Variants in ASTN2 observed in about 807,000 individuals in gnomAD.
ASTN2 encodes the protein astrotactin-2.
A neutral mutation model predicts 139.8 loss-of-function variants in ASTN2; 54 were observed. That is an observed-to-expected ratio of 0.39 (90% CI 0.31 to 0.48). The LOEUF is 0.48. Ranked by LOEUF, ASTN2 falls within the 20% of genes least tolerant of loss-of-function variation. The probability of loss-of-function intolerance (pLI) is 0.95; values close to 1 mark genes in which losing one functional copy is unlikely to be tolerated. For missense variants in ASTN2, 1,565 were observed against 1,725.1 expected, an observed-to-expected ratio of 0.91 and a Z score of 1.64; for synonymous variants, 756 against 719.5, an observed-to-expected ratio of 1.05 and a Z score of -0.81.
intron 6 of ASTN2, among the ~76,000 whole-genome samples, chr9:117,031,444 C>T (rs924275614): frequency 6.6e-6 from 1 of 152,044 alleles, no homozygotes; most frequent in Non-Finnish European, 1.5e-5. Flanking sequence ...CAAAAAAATT[C>T]AGTGAAAGCC....
At chr9:116,664,249 GT>G (rs760719813) in intron 16 of ASTN2, among the ~76,000 whole-genome samples, 5 of 150,272 alleles carry the variant, frequency 3.3e-5, no homozygotes, top group South Asian at 2.1e-4. Context: ...AAGGTTTTTT[GT>G]TTTTTTTTAA....
intron 19 of ASTN2, chr9:116,557,465 GTATT>G (rs1404566159): frequency 6.6e-6 from 1 of 152,018 alleles, no homozygotes; most frequent in Non-Finnish European, 1.5e-5. Flanking sequence ...TTAAATGAAA[GTATT>G]TATAGCACAC....
rs746533765 is a variant in ASTN2 at position 117,039,097 on chromosome 9, T to C, written c.1423+722A>G. On this transcript the variant is annotated intron_variant, in intron 6 of 22. Transcript: ENST00000313400. The stretch of plus-strand genomic sequence containing the variant: ...TGAAATGGATCCACAGTCATAAATG[T>C]CAGTAGGTTCTCTGAAGTAGCTCAA... 3.3e-5 allele frequency among the ~76,000 whole-genome samples: 5 copies of C among 152,222 alleles called. 1 individual carries two copies. The highest frequency in any genetic ancestry group is 5.9e-5 in the Non-Finnish European group (4 of 68,034).
intron 10 of ASTN2, among the ~76,000 whole-genome samples, chr9:116,907,753 C>A (rs879733067): frequency 1.3e-5 from 2 of 151,916 alleles, no homozygotes; most frequent in Non-Finnish European, 2.9e-5. Context: ...GAAGGATGGG[C>A]GGAAATGGGA....
chr9:117,089,113 A>C (rs1371947715), intron 5 of ASTN2, among the ~76,000 whole-genome samples: 1 of 152,176 alleles, frequency 6.6e-6, no homozygotes, highest in Non-Finnish European at 1.5e-5. Flanking sequence ...CAGCATGGTT[A>C]TTAGGGTTGC....
At chr9:117,374,315 AT>A (rs1474565768) in intron 1 of ASTN2, among the ~76,000 whole-genome samples, 1 of 151,064 alleles carries the variant, frequency 6.6e-6, no homozygotes. Flanking sequence ...GGATTAACAA[AT>A]TGGACACAAC....
At chr9:116,581,441 T>C (rs947496221) in intron 19 of ASTN2, among the ~76,000 whole-genome samples, 2 of 152,186 alleles carry the variant, frequency 1.3e-5, no homozygotes, top group Non-Finnish European at 2.9e-5. Flanking sequence ...TGCTCCTGCA[T>C]TGTCCTCAGT....
intron 5 of ASTN2, among the ~76,000 whole-genome samples, chr9:117,076,347 C>T (rs1007715653): frequency 6.6e-6 from 1 of 151,194 alleles, no homozygotes; most frequent in Non-Finnish European, 1.5e-5. Flanking sequence ...ATGCCTGGCA[C>T]ACTGTAGGTC....
chr9:117,072,445 C>T (rs76438024), intron 5 of ASTN2, among the ~76,000 whole-genome samples: 15,470 of 152,154 alleles, frequency 0.1, 1,018 homozygotes, highest in East Asian at 0.19. Flanking sequence ...GTTTTGGATG[C>T]GAACATCTTG....
chr9:116,615,760 G>A (rs1450166727), intron 19 of ASTN2, among the ~76,000 whole-genome samples: 1 of 151,518 alleles, frequency 6.6e-6, no homozygotes. Context: ...AGCATTAGGA[G>A]ATATACCTAA....
intron 19 of ASTN2, among the ~76,000 whole-genome samples, chr9:116,492,318 G>T (rs1249422760): frequency 6.6e-6 from 1 of 152,166 alleles, no homozygotes; most frequent in South Asian, 2.1e-4. Flanking sequence ...CTGACCTCAG[G>T]TGATCTGCCT....
At chr9:117,352,928 G>C (rs1322691765) in intron 1 of ASTN2, among the ~76,000 whole-genome samples, 2 of 152,142 alleles carry the variant, frequency 1.3e-5, no homozygotes, top group Non-Finnish European at 2.9e-5. Context: ...GATGGAGTAA[G>C]TGACTTCACT....
intron 13 of ASTN2, among the ~76,000 whole-genome samples, chr9:116,783,050 A>C (rs1032257905): frequency 6.6e-6 from 1 of 152,178 alleles, no homozygotes; most frequent in Non-Finnish European, 1.5e-5. Context: ...AGGACTTTGG[A>C]CAACAGTCAA....
intron 19 of ASTN2, among the ~76,000 whole-genome samples, chr9:116,607,931 A>C (rs990885071): frequency 6.6e-6 from 1 of 152,238 alleles, no homozygotes; most frequent in Non-Finnish European, 1.5e-5. Context: ...ACTGCATGCC[A>C]GCCTGGGCGA....
At chr9:117,184,062 C>G (rs149750210) in intron 3 of ASTN2, among the ~76,000 whole-genome samples, 1 of 152,282 alleles carries the variant, frequency 6.6e-6, no homozygotes, top group Admixed American at 6.5e-5. Flanking sequence ...TCTGAGATAG[C>G]TACAGGTTAA....
chr9:116,945,530 T>C (rs570635267), intron 10 of ASTN2, among the ~76,000 whole-genome samples: 74 of 152,288 alleles, frequency 4.9e-4, no homozygotes, highest in African/African-American at 1.7e-3. Flanking sequence ...ATTCATTGCC[T>C]TTTAGCACTC....
At chr9:116,810,933 T>G (rs1831148608) in intron 12 of ASTN2, among the ~76,000 whole-genome samples, 1 of 152,158 alleles carries the variant, frequency 6.6e-6, no homozygotes, top group South Asian at 2.1e-4. Context: ...ATTTATATTT[T>G]CTAACATTAT....
intron 19 of ASTN2, chr9:116,584,775 T>A (rs1433457900): frequency 6.6e-6 from 1 of 152,214 alleles, no homozygotes; most frequent in Non-Finnish European, 1.5e-5. Flanking sequence ...GCAGATGACA[T>A]GATCATACAT....
intron 19 of ASTN2, among the ~76,000 whole-genome samples, chr9:116,524,792 G>A: frequency 1.3e-5 from 2 of 152,246 alleles, no homozygotes; most frequent in South Asian, 4.2e-4. Flanking sequence ...CATGGCCAAG[G>A]TACCCATTCC....
Sources: gnomAD v4.1 joint callset for allele counts (sites outside exome capture counted in the v4.1 genomes callset) on GRCh38, gnomAD v4.1.1 for gene constraint, MANE v1.5 for transcripts, NCBI Gene and HGNC (gene_info 2026-07-23, HGNC 2026-07-21) for gene names.